Variants in UBE2W observed in about 807,000 individuals in gnomAD.
UBE2W encodes the protein ubiquitin conjugating enzyme E2 W.
A neutral mutation model predicts 27.2 loss-of-function variants in UBE2W; 18 were observed. The observed-to-expected ratio is 0.66, with a 90% confidence interval of 0.46 to 0.98. UBE2W has a LOEUF of 0.98. Ranked by LOEUF, UBE2W falls within the 50% of genes least tolerant of loss-of-function variation. The pLI, the probability that UBE2W is intolerant of heterozygous loss-of-function variation, is 0.00. For synonymous variants in UBE2W, 53 were observed against 57.2 expected (o/e 0.93, Z 0.33); for missense variants, 90 against 180.2 (o/e 0.50, Z 2.87).
intron 5 of UBE2W, among the ~76,000 whole-genome samples, chr8:73,803,769 C>CA (rs1808747824): frequency 7.8e-6 from 1 of 128,400 alleles, no homozygotes; most frequent in South Asian, 2.3e-4. Flanking sequence ...TTTTTCTTTT[C>CA]TTTTTTTTTT....
At position 73,845,166 on chromosome 8, in the gene UBE2W, G is replaced by A. The variant is rs868596456; in HGVS notation, c.16-14694C>T. ...GCCTCTGCCCGGCCGCCCTGTCTGT[G>A]AAGTGAGGAGCCCCTCTGCCTGGCC... On this transcript the variant is annotated intron_variant, in intron 1 of 5. Coordinates refer to ENST00000602593, the MANE Select transcript of UBE2W (RefSeq NM_018299.6). Among the ~76,000 whole-genome samples the A allele has an allele frequency of 7.9e-5, 12 of 152,216 alleles. No individual in the cohort carries two copies. In the South Asian group the frequency reaches 1.7e-3, roughly 21 times the overall value.
intron 1 of UBE2W, among the ~76,000 whole-genome samples, chr8:73,844,804 G>C (rs532475626): frequency 1.3e-4 from 20 of 150,984 alleles, no homozygotes; most frequent in African/African-American, 3.9e-4. Flanking sequence ...CCGCGACCCC[G>C]TCTGGGAACT....
intron 4 of UBE2W, among the ~76,000 whole-genome samples, chr8:73,808,193 C>T (rs992625267): frequency 6.6e-6 from 1 of 152,126 alleles, no homozygotes; most frequent in African/African-American, 2.4e-5. Flanking sequence ...AAAATTTACC[C>T]GTTTTAATAA....
chr8:73,809,675 G>T, intron 4 of UBE2W, among the ~76,000 whole-genome samples: 1 of 152,170 alleles, frequency 6.6e-6, no homozygotes, highest in Non-Finnish European at 1.5e-5. Flanking sequence ...AACCTCCTGG[G>T]TTCAAGCAAT....
chr8:73,794,854 T>TAAAA (rs1289254274), intron 5 of UBE2W, among the ~76,000 whole-genome samples: 3 of 43,906 alleles, frequency 6.8e-5, no homozygotes, highest in Non-Finnish European at 9.7e-5. Flanking sequence ...CTCTGTCTCA[T>TAAAA]AAAAAAAAAA....
rs1807966585 is a variant in UBE2W at position 73,786,600 on chromosome 8, G to A, written c.*7502C>T. On this transcript the variant is annotated 3_prime_UTR_variant, in exon 6 of 6. Coordinates refer to ENST00000602593, the MANE Select transcript of UBE2W (RefSeq NM_018299.6). ...ACTAGACCTTTCAGGTAGAAACGCA[G>A]ATCATGAACATTCTAGGAGGGAAGA... 1.0e-6 allele frequency: 1 copy of A among 985,316 alleles called. No homozygotes were observed. Among genetic ancestry groups the A allele is most frequent in the African/African-American group, 1.7e-5 (1 of 57,248 alleles). 61.0% of individuals were successfully genotyped at this position (985,316 alleles called of 1,614,324 possible).
intron 1 of UBE2W, chr8:73,870,376 CAGGG>C: frequency 7.3e-7 from 1 of 1,376,662 alleles, no homozygotes; most frequent in Non-Finnish European, 9.9e-7. Context: ...ATAGCTAGTG[CAGGG>C]ACTAGAAATC....
intron 1 of UBE2W, among the ~76,000 whole-genome samples, chr8:73,849,661 TAAAAG>T (rs1185625587): frequency 1.3e-5 from 2 of 151,278 alleles, no homozygotes; most frequent in Admixed American, 6.6e-5. Flanking sequence ...GAAAAGTACT[TAAAAG>T]GAAAGAAATA....
chr8:73,874,288 G>A (rs1030990076), intron 1 of UBE2W, among the ~76,000 whole-genome samples: 2 of 152,042 alleles, frequency 1.3e-5, no homozygotes, highest in African/African-American at 2.4e-5. Context: ...AAAATAAGCC[G>A]GGCGAGGTGG....
intron 1 of UBE2W, among the ~76,000 whole-genome samples, chr8:73,850,021 T>C (rs1290570938): frequency 2.0e-5 from 3 of 152,198 alleles, no homozygotes; most frequent in Non-Finnish European, 2.9e-5. Flanking sequence ...TCTACAAGTC[T>C]ATCTTCATAG....
intron 5 of UBE2W, among the ~76,000 whole-genome samples, 197 bp downstream of exon 5, chr8:73,805,454 C>CAAAAAAAAACAAAAAACAAAAAAAAA (rs1808835235): frequency 6.9e-5 from 1 of 14,580 alleles, no homozygotes; most frequent in Admixed American, 1.4e-3. Context: ...AACTCCATCT[C>CAAAAAAAAACAAAAAACAAAAAAAAA]AAAAAAAAAA....
At chr8:73,801,299 T>C (rs1234899016) in intron 5 of UBE2W, among the ~76,000 whole-genome samples, 18 of 152,180 alleles carry the variant, frequency 1.2e-4, no homozygotes, top group Admixed American at 1.2e-3. Context: ...AAACCGATTA[T>C]CTTTTTGAAC....
Position 73,793,773 on chromosome 8 carries a change from CA to C in UBE2W, c.*328del, listed in dbSNP as rs1808298390. On this transcript the variant is annotated 3_prime_UTR_variant, in exon 6 of 6. Coordinates refer to ENST00000602593, the MANE Select transcript of UBE2W (RefSeq NM_018299.6). The stretch of plus-strand genomic sequence containing the variant: ...CCGGCAATGAACGTACCAAAACCGC[CA>C]AGGAAGTCATTGTTATTGCACAATA... 1 of 1,051,796 alleles carries C rather than the reference CA, an allele frequency of 9.5e-7. No individual in the cohort carries two copies. The highest frequency in any genetic ancestry group is 1.7e-5 in the African/African-American group (1 of 59,786). 65.2% of individuals were successfully genotyped at this position (1,051,796 alleles called of 1,614,324 possible).
At chr8:73,803,003 G>A (rs533580944) in intron 5 of UBE2W, among the ~76,000 whole-genome samples, 3 of 150,674 alleles carry the variant, frequency 2.0e-5, no homozygotes, top group East Asian at 2.0e-4. Flanking sequence ...CAGCCTGGGC[G>A]ACAGCAAGAC....
At chr8:73,861,752 C>T (rs927499233) in intron 1 of UBE2W, among the ~76,000 whole-genome samples, 1 of 152,126 alleles carries the variant, frequency 6.6e-6, no homozygotes, top group Non-Finnish European at 1.5e-5. Context: ...ATGGAACCGC[C>T]CCATAGCCAC....
At chr8:73,800,837 T>C (rs938754402) in intron 5 of UBE2W, among the ~76,000 whole-genome samples, 2 of 152,248 alleles carry the variant, frequency 1.3e-5, no homozygotes, top group Non-Finnish European at 2.9e-5. Flanking sequence ...CTCACACCTG[T>C]AATCCCAGCA....
intron 1 of UBE2W, among the ~76,000 whole-genome samples, chr8:73,852,962 G>T (rs902235362): frequency 6.6e-6 from 1 of 152,164 alleles, no homozygotes; most frequent in Non-Finnish European, 1.5e-5. Flanking sequence ...TCTATGGTCT[G>T]AACATTTATG....
At chr8:73,854,771 T>C (rs1041471457) in intron 1 of UBE2W, among the ~76,000 whole-genome samples, 42 of 152,142 alleles carry the variant, frequency 2.8e-4, no homozygotes, top group African/African-American at 9.9e-4. Context: ...CACATGTAAC[T>C]TCCGACTCCC....
chr8:73,870,948 G>T (rs762944420), intron 1 of UBE2W, among the ~76,000 whole-genome samples: 1 of 151,782 alleles, frequency 6.6e-6, no homozygotes, highest in Non-Finnish European at 1.5e-5. Flanking sequence ...AGAGACATGA[G>T]TACCTGGGAG....
Sources: allele counts gnomAD v4.1 joint callset (sites outside exome capture counted in the v4.1 genomes callset), GRCh38; gene constraint gnomAD v4.1.1; transcripts MANE v1.5; gene names NCBI Gene and HGNC (gene_info 2026-07-23, HGNC 2026-07-21).